The following MTR variants were observed in gnomAD, a reference collection of about 807,000 sequenced individuals.
MTR encodes methionine synthase.
In MTR, 84 loss-of-function variants were observed where a neutral mutation model predicts 154.8. That is an observed-to-expected ratio of 0.54 (90% CI 0.45 to 0.65). The LOEUF is 0.65. Among genes scored for constraint, MTR ranks in the 30% least tolerant of loss-of-function variants. The pLI is 0.00. For synonymous variants in MTR, 554 were observed against 553.9 expected (o/e 1.00, Z 0.00); for missense variants, 1,275 against 1,570.2 (o/e 0.81, Z 3.18).
chr1:236,903,528 A>G lies in MTR; in HGVS notation c.*5884A>G, dbSNP rs753149267. On this transcript the variant is annotated 3_prime_UTR_variant, in exon 33 of 33. Coordinates refer to ENST00000366577, the MANE Select transcript of MTR (RefSeq NM_000254.3). ...ATTATAGACTTTTGGAGACTCACGAAACAAGCAATCCCTAAATTCTCGCCC... is the reference window on the plus strand; with the variant it reads ...ATTATAGACTTTTGGAGACTCACGAGACAAGCAATCCCTAAATTCTCGCCC... 6.6e-6 allele frequency: 1 copy of G among 152,216 alleles called. No individual in the cohort carries two copies. Among genetic ancestry groups the G allele is most frequent in the Non-Finnish European group, 1.5e-5 (1 of 68,028 alleles). 9.4% of individuals were successfully genotyped at this position (152,216 alleles called of 1,614,324 possible).
intron 2 of MTR, 64 bp downstream of exon 2, chr1:236,803,706 A>G (rs1215800123): frequency 2.3e-5 from 34 of 1,501,078 alleles, no homozygotes; most frequent in Non-Finnish European, 3.1e-5. Flanking sequence ...TTCATGTATC[A>G]GGGCAGGCTG....
intron 7 of MTR, 55 bp from the exon 8 acceptor site, chr1:236,816,394 T>G (rs1661593972): frequency 2.8e-6 from 4 of 1,454,394 alleles, no homozygotes; most frequent in African/African-American, 1.4e-5. Context: ...TGCCTTTATA[T>G]CTATATTCTT....
intron 8 of MTR, 76 bp from the exon 9 acceptor site, chr1:236,824,043 T>A: frequency 8.2e-7 from 1 of 1,214,350 alleles, no homozygotes; most frequent in Non-Finnish European, 1.2e-6. Context: ...TTAGATATAT[T>A]GTCTCCATAT....
chr1:236,865,591 G>T (rs1664778800), intron 22 of MTR, among the ~76,000 whole-genome samples: 2 of 152,096 alleles, frequency 1.3e-5, no homozygotes, highest in African/African-American at 4.8e-5. Flanking sequence ...GGGGATAAAA[G>T]AAATAAAGAG....
intron 15 of MTR, among the ~76,000 whole-genome samples, chr1:236,846,580 T>C (rs1009552957): frequency 5.9e-5 from 9 of 152,210 alleles, no homozygotes; most frequent in African/African-American, 1.9e-4. Context: ...TAACAAGGAA[T>C]TGGTATCTTG....
chr1:236,808,710 C>T lies in MTR; in HGVS notation c.346C>T (p.Arg116Trp), dbSNP rs1034987757. Residue 116 changes from arginine to tryptophan, a missense_variant, in exon 4 of 33, where the codon CGG becomes TGG. Arg to Trp is a moderately radical substitution (Grantham distance 101). Coordinates refer to ENST00000366577, the MANE Select transcript of MTR (RefSeq NM_000254.3). ...ADYGLEHLAYRMNMCSAGVAR... is the reference protein window; with the variant it reads ...ADYGLEHLAYWMNMCSAGVAR... ...TTTGTGGTTGATACGTTAGGCCTAC[C>T]GGATGAACATGTGCTCTGCAGGAGT... is the stretch of plus-strand genomic sequence containing the variant. The T allele has an allele frequency of 1.3e-5, 21 of 1,614,142 alleles. No homozygotes were observed. Among genetic ancestry groups the T allele is most frequent in the East Asian group, 2.2e-5 (1 of 44,880 alleles).
At chr1:236,812,879 G>A in intron 6 of MTR, 35 bp downstream of exon 6, 1 of 1,553,666 alleles carries the variant, frequency 6.4e-7, no homozygotes, top group South Asian at 1.1e-5. Context: ...CAAGGCTGGG[G>A]TAAGGGCTGT....
rs1666966161 is a variant in MTR, at chr1:236,902,614, C to T, written c.*4970C>T. The T allele has an allele frequency of 6.6e-6, 1 of 152,238 alleles. No individual in the cohort carries two copies. Among genetic ancestry groups the T allele is most frequent in the South Asian group, 2.1e-4 (1 of 4,836 alleles). 9.4% of individuals were successfully genotyped at this position (152,238 alleles called of 1,614,324 possible). A position where few individuals can be genotyped will look rare whatever the true frequency, so the allele number is the denominator to read the frequency against. On this transcript the variant is annotated 3_prime_UTR_variant, in exon 33 of 33. Transcript: ENST00000366577. ...TGCCTCTTCCTGAGCTCAGGATACC[C>T]AGAGCCTAGCTCAGTGCCTGCCATG...
At position 236,838,568 on chromosome 1, in the gene MTR, T is replaced by A. The variant is rs760333844; in HGVS notation, c.1484T>A (p.Met495Lys). The change falls in exon 15 of 33, where the codon ATG becomes AAG. Residue 495 changes from methionine to lysine, a missense_variant. Met to Lys is a moderately conservative substitution (Grantham distance 95, BLOSUM62 -1). Coordinates refer to ENST00000366577, the MANE Select transcript of MTR (RefSeq NM_000254.3). ...ARKIKKYGAAMVVMAFDEEGQ... is the reference protein window; with the variant it reads ...ARKIKKYGAAKVVMAFDEEGQ... ...AAGATTAAAAAGTATGGAGCTGCTA[T>A]GGTGGTCATGGCTTTTGATGAAGAA... 6.2e-7 allele frequency: 1 copy of A among 1,614,150 alleles called. No homozygotes were observed. Among genetic ancestry groups the A allele is most frequent in the East Asian group, 2.2e-5 (1 of 44,872 alleles).
In MTR at chr1:236,812,748, G is replaced by T; in HGVS notation, c.513G>T (p.Glu171Asp). 2 of 1,614,026 alleles carry T rather than the reference G, an allele frequency of 1.2e-6. No homozygotes were observed. The highest frequency in any genetic ancestry group is 1.7e-6 in the Non-Finnish European group (2 of 1,179,926). The change falls in exon 6 of 33, where the codon GAG becomes GAT. Residue 171 changes from glutamate to aspartate, a missense_variant. Transcript: ENST00000366577. ...ATTTATTTTTTGCAGCATTTGATGA[G>T]CTTGTTGAAGCATACCAAGAGCAGG... ...RPDYRNITFD[E>D]LVEAYQEQAK...
chr1:236,795,658 A>C lies in MTR; in HGVS notation c.-46A>C. On this transcript the variant is annotated 5_prime_UTR_variant, in exon 1 of 33. Coordinates refer to ENST00000366577, the MANE Select transcript of MTR (RefSeq NM_000254.3). ...TTGGCCGTCGTCACCTGTGGAGAGCACGTCTTCTCTGCCGCGCCCTCTGCG... is the reference window on the plus strand; with the variant it reads ...TTGGCCGTCGTCACCTGTGGAGAGCCCGTCTTCTCTGCCGCGCCCTCTGCG... 1 of 1,612,980 alleles carries C rather than the reference A, an allele frequency of 6.2e-7. No individual in the cohort carries two copies.
intron 8 of MTR, among the ~76,000 whole-genome samples, chr1:236,819,120 A>T (rs77021106): frequency 6.6e-6 from 1 of 152,186 alleles, no homozygotes; most frequent in African/African-American, 2.4e-5. Context: ...TATTAACTGA[A>T]GTCTGTAGTT....
chr1:236,890,628 A>G (rs1447367077), intron 28 of MTR, among the ~76,000 whole-genome samples: 2 of 152,194 alleles, frequency 1.3e-5, no homozygotes, highest in African/African-American at 4.8e-5. Context: ...TCTTCATGGT[A>G]CTGTTGAAGG....
chr1:236,892,162 T>C (rs1666363729), intron 29 of MTR, among the ~76,000 whole-genome samples: 1 of 152,168 alleles, frequency 6.6e-6, no homozygotes, highest in Admixed American at 6.5e-5. Flanking sequence ...TTTACTGCCA[T>C]TTTCAGTCGT....
chr1:236,869,294 A>G (rs1664989146), intron 22 of MTR, among the ~76,000 whole-genome samples: 1 of 152,214 alleles, frequency 6.6e-6, no homozygotes, highest in Non-Finnish European at 1.5e-5. Flanking sequence ...CATTCAGTGC[A>G]ACTTTTTTTT....
intron 3 of MTR, among the ~76,000 whole-genome samples, chr1:236,807,292 G>T (rs1661039197): frequency 6.6e-6 from 1 of 152,104 alleles, no homozygotes; most frequent in Non-Finnish European, 1.5e-5. Flanking sequence ...TCCTGCTTTA[G>T]CCCTCCAAGT....
At chr1:236,877,544 A>G (rs1231522025) in intron 24 of MTR, among the ~76,000 whole-genome samples, 3 of 151,858 alleles carry the variant, frequency 2.0e-5, no homozygotes, top group African/African-American at 4.8e-5. Context: ...TTTGCCCCAC[A>G]TCAGCCTTGT....
At position 236,816,410 on chromosome 1, in the gene MTR, G is replaced by C. The variant is rs369403325; in HGVS notation, c.670-39G>C. 7 of 1,534,004 alleles carry C rather than the reference G, an allele frequency of 4.6e-6. No homozygotes were observed. The African/African-American group carries it at 8.2e-5, about 18-fold the overall frequency. On this transcript the variant is annotated intron_variant, in intron 7 of 32. Transcript: ENST00000366577. Reference sequence around the variant, plus strand: ...GCCTTTATATCTATATTCTTAACTTGAGTCTGTATTGTTGACTTTGTTTAC... The same window carrying C: ...GCCTTTATATCTATATTCTTAACTTCAGTCTGTATTGTTGACTTTGTTTAC...
In MTR at chr1:236,850,328, T is replaced by C; in HGVS notation, c.1516-16T>C. ...ATTTTTCTATTTCAAACTACATCTT[T>C]TGCTCTTTTCCCTAGGCAACAGAAA... On this transcript the variant is annotated splice_polypyrimidine_tract_variant and intron_variant, in intron 15 of 32. Coordinates refer to ENST00000366577, the MANE Select transcript of MTR (RefSeq NM_000254.3). The C allele has an allele frequency of 1.2e-6, 2 of 1,603,688 alleles. No individual in the cohort carries two copies. Among genetic ancestry groups the C allele is most frequent in the South Asian group, 1.1e-5 (1 of 89,598 alleles).
Sources: allele counts gnomAD v4.1 joint callset (sites outside exome capture counted in the v4.1 genomes callset), GRCh38; gene constraint gnomAD v4.1.1; transcripts MANE v1.5; gene names NCBI Gene and HGNC (gene_info 2026-07-23, HGNC 2026-07-21).